The following DNAH7 variants were observed in gnomAD, a reference collection of about 807,000 sequenced individuals.
DNAH7 encodes the protein dynein axonemal heavy chain 7.
In DNAH7, 397 loss-of-function variants were observed where a neutral mutation model predicts 444.6. The observed-to-expected ratio is 0.89, with a 90% CI of 0.82 to 0.97. The LOEUF is 0.97. DNAH7 is among the 50% of genes least tolerant of loss of function. The pLI is 0.00. For missense variants in DNAH7, 4,902 were observed against 4,800.8 expected, an observed-to-expected ratio of 1.02 and a Z score of -0.62; for synonymous variants, 1,636 against 1,624.4, an observed-to-expected ratio of 1.01 and a Z score of -0.17.
At chr2:196,068,336 T>C (rs1187379765) in intron 1 of DNAH7, 3 of 334,766 alleles carry the variant, frequency 9.0e-6, no homozygotes, top group African/African-American at 4.2e-5. Context: ...GGCTAGGAGT[T>C]GGCTTCGATT....
At chr2:195,764,138 A>G (rs1472495245) in intron 61 of DNAH7, among the ~76,000 whole-genome samples, 2 of 152,134 alleles carry the variant, frequency 1.3e-5, no homozygotes, top group African/African-American at 2.4e-5. Context: ...CAAAAACTGT[A>G]TAATAATTTC....
chr2:195,980,656 C>T (rs1397912955), intron 15 of DNAH7, among the ~76,000 whole-genome samples: 1 of 152,162 alleles, frequency 6.6e-6, no homozygotes, highest in Non-Finnish European at 1.5e-5. Context: ...AAAGGTCATT[C>T]ACCATGACTA....
chr2:195,839,017 A>G (rs1267214244), intron 47 of DNAH7, among the ~76,000 whole-genome samples: 3 of 151,942 alleles, frequency 2.0e-5, no homozygotes, highest in African/African-American at 7.2e-5. Context: ...AACAGTATCA[A>G]GCAATTCAAC....
intron 51 of DNAH7, among the ~76,000 whole-genome samples, chr2:195,812,161 G>C (rs1697001632): frequency 6.6e-6 from 1 of 152,022 alleles, no homozygotes; most frequent in Non-Finnish European, 1.5e-5. Flanking sequence ...TCCTATGATT[G>C]TGTTTCCAAC....
intron 60 of DNAH7, among the ~76,000 whole-genome samples, chr2:195,773,572 T>A (rs1209218778): frequency 6.6e-6 from 1 of 152,200 alleles, no homozygotes; most frequent in East Asian, 1.9e-4. Context: ...CAACTGATAC[T>A]GATAATTAAG....
chr2:196,014,253 A>T (rs1468940277), intron 9 of DNAH7, among the ~76,000 whole-genome samples: 1 of 152,188 alleles, frequency 6.6e-6, no homozygotes, highest in African/African-American at 2.4e-5. Flanking sequence ...AGGATCAGGA[A>T]AAAAGATATT....
intron 15 of DNAH7, among the ~76,000 whole-genome samples, chr2:195,982,733 T>G (rs1378610950): frequency 6.6e-6 from 1 of 152,136 alleles, no homozygotes; most frequent in East Asian, 1.9e-4. Context: ...AAGACAAACT[T>G]TGCATGTTCA....
chr2:195,799,251 G>C, intron 55 of DNAH7, 45 bp downstream of exon 55: 1 of 1,416,196 alleles, frequency 7.1e-7, no homozygotes, highest in Non-Finnish European at 9.4e-7. Context: ...AGCAAGTATT[G>C]CTTTTTTAAA....
chr2:196,019,001 T>C (rs1695200682), intron 9 of DNAH7, among the ~76,000 whole-genome samples, 169 bp downstream of exon 9: 1 of 152,186 alleles, frequency 6.6e-6, no homozygotes, highest in Non-Finnish European at 1.5e-5. Context: ...CAGTGTTCAC[T>C]TTTTGCTCTA....
At chr2:195,752,814 T>C (rs1170387824) in intron 63 of DNAH7, among the ~76,000 whole-genome samples, 1 of 152,220 alleles carries the variant, frequency 6.6e-6, no homozygotes, top group African/African-American at 2.4e-5. Flanking sequence ...TCATGGGATT[T>C]GTCAACATAG....
At chr2:195,987,862 G>A in intron 13 of DNAH7, 95 bp downstream of exon 13, 2 of 1,194,648 alleles carry the variant, frequency 1.7e-6, no homozygotes, top group Non-Finnish European at 1.2e-6. Context: ...TGATGATAAT[G>A]TTCTAATTAT....
Position 195,808,832 on chromosome 2 carries a change from T to C in DNAH7, c.9933A>G (p.Gly3311=). The C allele has an allele frequency of 1.2e-6, 2 of 1,613,782 alleles. No individual in the cohort carries two copies. The highest frequency in any genetic ancestry group is 1.1e-5 in the South Asian group (1 of 91,014). ...EWRFLLTGGI[G]LDNPYANLCT... ...AAAGGTTGGCATAAGGATTATCCAG[T>C]CCAATGCCACCAGTTAGCAGAAATC... Residue 3311 remains glycine (G), a synonymous_variant, in exon 53 of 65, where the codon GGA becomes GGG. Transcript: ENST00000312428.
chr2:196,000,926 T>C (rs1430029736), intron 11 of DNAH7, 43 bp from the exon 12 acceptor site: 1 of 1,467,756 alleles, frequency 6.8e-7, no homozygotes, highest in Non-Finnish European at 9.1e-7. Context: ...TATGTATGAA[T>C]TGTGACAGAC....
At chr2:195,829,340 T>C (rs1194489196) in intron 48 of DNAH7, among the ~76,000 whole-genome samples, 1 of 152,120 alleles carries the variant, frequency 6.6e-6, no homozygotes, top group Non-Finnish European at 1.5e-5. Context: ...TCTTTTTTTG[T>C]TTTTGTTCAG....
At chr2:195,971,270 C>A (rs1467987722) in intron 16 of DNAH7, among the ~76,000 whole-genome samples, 1 of 152,184 alleles carries the variant, frequency 6.6e-6, no homozygotes, top group Non-Finnish European at 1.5e-5. Context: ...TACTCTTCCA[C>A]CTGTAAAATG....
intron 12 of DNAH7, chr2:195,994,970 G>GC: frequency 3.8e-6 from 1 of 264,516 alleles, no homozygotes; most frequent in Non-Finnish European, 7.3e-6. Context: ...TTGCTCTGTT[G>GC]CCAGGCTGGA....
chr2:195,759,265 T>A (rs1694231829), intron 61 of DNAH7, among the ~76,000 whole-genome samples: 1 of 152,218 alleles, frequency 6.6e-6, no homozygotes, highest in South Asian at 2.1e-4. Context: ...CCCTGGCTCC[T>A]GGACAATATT....
At chr2:195,802,540 A>C (rs1696518280) in intron 54 of DNAH7, among the ~76,000 whole-genome samples, 1 of 152,052 alleles carries the variant, frequency 6.6e-6, no homozygotes, top group South Asian at 2.1e-4. Context: ...ATGGTGGTGC[A>C]TGTCTGTAAT....
intron 60 of DNAH7, 55 bp downstream of exon 60, chr2:195,775,791 C>G: frequency 6.3e-7 from 1 of 1,575,346 alleles, no homozygotes; most frequent in Non-Finnish European, 8.6e-7. Flanking sequence ...GGCACACGTG[C>G]CTGGGGAGCA....
Sources: allele counts gnomAD v4.1 joint callset (sites outside exome capture counted in the v4.1 genomes callset), GRCh38; gene constraint gnomAD v4.1.1; transcripts MANE v1.5; gene names NCBI Gene and HGNC (gene_info 2026-07-23, HGNC 2026-07-21).